COL9A1: variants seen among roughly 807,000 people sequenced by gnomAD.
The protein encoded by COL9A1 is collagen alpha-1(IX) chain.
COL9A1 carries 104 observed loss-of-function variants against 142.6 expected under a neutral mutation model. That is an observed-to-expected ratio of 0.73 (90% CI 0.62 to 0.86). The LOEUF is 0.86. COL9A1 is among the 40% of genes least tolerant of loss of function. The probability of loss-of-function intolerance (pLI) is 0.00; values close to 1 mark genes in which losing one functional copy is unlikely to be tolerated. For missense variants in COL9A1, 1,210 were observed against 1,176.6 expected (o/e 1.03, Z -0.42); for synonymous variants, 466 against 396.0 (o/e 1.18, Z -2.10).
intron 4 of COL9A1, among the ~76,000 whole-genome samples, chr6:70,298,330 G>A (rs1278852604): frequency 6.6e-6 from 1 of 152,104 alleles, no homozygotes; most frequent in East Asian, 1.9e-4. Flanking sequence ...TTTAAACTGA[G>A]GGAACTGAAG....
At chr6:70,224,634 T>C (rs1437627993) in intron 37 of COL9A1, among the ~76,000 whole-genome samples, 3 of 152,168 alleles carry the variant, frequency 2.0e-5, no homozygotes, top group Middle Eastern at 3.2e-3. Flanking sequence ...AACTTCCTAT[T>C]CCTACTACTG....
intron 35 of COL9A1, among the ~76,000 whole-genome samples, chr6:70,233,960 G>A (rs1257833316): frequency 6.6e-6 from 1 of 152,180 alleles, no homozygotes; most frequent in African/African-American, 2.4e-5. Flanking sequence ...GACCAATTCT[G>A]AAACAAATAA....
chr6:70,285,342 C>A (rs1773410452), intron 5 of COL9A1, among the ~76,000 whole-genome samples: 2 of 152,208 alleles, frequency 1.3e-5, no homozygotes, highest in South Asian at 4.1e-4. Flanking sequence ...TATACAACAA[C>A]CGTTTTTTGG....
intron 25 of COL9A1, among the ~76,000 whole-genome samples, chr6:70,253,946 T>C (rs1771109069): frequency 6.6e-6 from 1 of 152,212 alleles, no homozygotes; most frequent in South Asian, 2.1e-4. Context: ...CAGGCTTTGA[T>C]ATTACCAAGT....
rs2296931 is a variant in COL9A1 at position 70,254,238 on chromosome 6, A to T, written c.1719+238T>A. Among the ~76,000 whole-genome samples, 5,565 of 152,330 alleles carry T rather than the reference A, an allele frequency of 0.037. 170 individuals are homozygous for T. Among genetic ancestry groups the T allele is most frequent in the East Asian group, 0.11 (559 of 5,182 alleles). ...TGTAAAAAAAGACTGAGTAAACTAAAGAGAGAAAAGGAATCCAAAGCATAA... is the reference window on the plus strand; with the variant it reads ...TGTAAAAAAAGACTGAGTAAACTAATGAGAGAAAAGGAATCCAAAGCATAA... On this transcript the variant is annotated intron_variant, in intron 25 of 37. Transcript: ENST00000357250.
intron 5 of COL9A1, among the ~76,000 whole-genome samples, chr6:70,290,779 G>A (rs942565459): frequency 3.3e-5 from 5 of 152,024 alleles, no homozygotes; most frequent in Non-Finnish European, 5.9e-5. Context: ...AGCAAGATTC[G>A]ACTCTGAAAA....
At position 70,293,354 on chromosome 6, in the gene COL9A1, T is replaced by C. The variant is rs183895768; in HGVS notation, c.696+813A>G. Among the ~76,000 whole-genome samples the C allele has an allele frequency of 2.4e-4, 37 of 152,266 alleles. 1 individual carries two copies. The highest frequency in any genetic ancestry group is 2.2e-3 in the Admixed American group (33 of 15,288). ...TAAAGCATTGCTCAAAGTATAACAA[T>C]TCAAAATGATAGAACTATCTTGTAC... On this transcript the variant is annotated intron_variant, in intron 5 of 37. Transcript: ENST00000357250.
chr6:70,239,038 C>T (rs1770082356), intron 33 of COL9A1, among the ~76,000 whole-genome samples: 1 of 152,046 alleles, frequency 6.6e-6, no homozygotes, highest in Admixed American at 6.5e-5. Flanking sequence ...ACTTGGGAGG[C>T]TAAGGCAGGA....
chr6:70,270,718 C>A (rs553583763), intron 14 of COL9A1, among the ~76,000 whole-genome samples: 1 of 152,210 alleles, frequency 6.6e-6, no homozygotes, highest in African/African-American at 2.4e-5. Flanking sequence ...GCAACCTATA[C>A]TGCTAGTGCC....
intron 17 of COL9A1, among the ~76,000 whole-genome samples, chr6:70,267,327 G>GGTTTTTTTTTTTTTTTTTTTTTT (rs757813161): frequency 1.6e-5 from 2 of 127,026 alleles, no homozygotes; most frequent in Admixed American, 7.8e-5. Flanking sequence ...TGGTTTTTTT[G>GGTTTTTTTTTTTTTTTTTTTTTT]TTTTTTTTTT....
chr6:70,224,699 C>T (rs1357728897), intron 37 of COL9A1, among the ~76,000 whole-genome samples: 35 of 152,274 alleles, frequency 2.3e-4, no homozygotes. Flanking sequence ...CTCCTCTACA[C>T]ACCCATCAAT....
Position 70,241,978 on chromosome 6 carries a change from T to C in COL9A1, c.1984A>G (p.Met662Val). 1.3e-6 allele frequency: 2 copies of C among 1,596,380 alleles called. No individual in the cohort carries two copies. The highest frequency in any genetic ancestry group is 3.4e-5 in the Admixed American group (2 of 58,750). ...GLPGPPGLPG[M>V]KGDRGVVGEP... ...GGAGCTCTTACCCTGTCACCTTTCATTCCAGGAAGTCCAGGGGGCCCAGGC... is the reference window on the plus strand; with the variant it reads ...GGAGCTCTTACCCTGTCACCTTTCACTCCAGGAAGTCCAGGGGGCCCAGGC... The change falls in exon 30 of 38, where the codon ATG (methionine) becomes GTG (valine). Residue 662 changes from methionine (M) to valine (V), a missense_variant. Transcript: ENST00000357250.
chr6:70,291,232 A>T (rs1773646719), intron 5 of COL9A1, among the ~76,000 whole-genome samples: 1 of 152,138 alleles, frequency 6.6e-6, no homozygotes, highest in Admixed American at 6.5e-5. Context: ...GAGGAACAAA[A>T]TGGGAACACT....
At chr6:70,292,785 T>C (rs1311418170) in intron 5 of COL9A1, among the ~76,000 whole-genome samples, 1 of 152,206 alleles carries the variant, frequency 6.6e-6, no homozygotes, top group South Asian at 2.1e-4. Flanking sequence ...AGAAGTTCAG[T>C]GTTGTCTGAG....
chr6:70,270,142 C>T (rs1772299584), intron 15 of COL9A1, among the ~76,000 whole-genome samples, 172 bp downstream of exon 15: 2 of 152,178 alleles, frequency 1.3e-5, no homozygotes, highest in South Asian at 4.1e-4. Flanking sequence ...TGTGATTCTT[C>T]TACTTCTTGC....
intron 11 of COL9A1, 27 bp downstream of exon 11, chr6:70,274,692 G>A (rs751237008): frequency 1.3e-6 from 2 of 1,580,726 alleles, no homozygotes; most frequent in Non-Finnish European, 1.7e-6. Flanking sequence ...TTTCGTACTA[G>A]CAATTAATGC....
chr6:70,270,553 G>A (rs1772329600), intron 14 of COL9A1, among the ~76,000 whole-genome samples, 186 bp from the exon 15 acceptor site: 2 of 152,100 alleles, frequency 1.3e-5, no homozygotes, highest in African/African-American at 4.8e-5. Flanking sequence ...GAGTAATAAA[G>A]GCATTCCAGT....
At chr6:70,257,223 G>A (rs940265503) in intron 20 of COL9A1, among the ~76,000 whole-genome samples, 3 of 151,988 alleles carry the variant, frequency 2.0e-5, no homozygotes, top group African/African-American at 7.3e-5. Flanking sequence ...GTCATGCCCA[G>A]CTAATTTTTG....
intron 36 of COL9A1, among the ~76,000 whole-genome samples, chr6:70,226,792 T>C (rs1431544004): frequency 6.6e-6 from 1 of 152,156 alleles, no homozygotes; most frequent in African/African-American, 2.4e-5. Flanking sequence ...AGCTGAATTT[T>C]CATCATGATC....
Sources: gnomAD v4.1 joint callset for allele counts (sites outside exome capture counted in the v4.1 genomes callset) on GRCh38, gnomAD v4.1.1 for gene constraint, MANE v1.5 for transcripts, NCBI Gene and HGNC (gene_info 2026-07-23, HGNC 2026-07-21) for gene names.